Variants in CTNNA2 observed in about 807,000 individuals in gnomAD.
CTNNA2 encodes catenin alpha-2.
CTNNA2 carries 42 observed loss-of-function variants against 101.0 expected under a neutral mutation model. The observed-to-expected ratio is 0.42, with a 90% CI of 0.32 to 0.54. The LOEUF (loss-of-function observed/expected upper bound fraction) is 0.54, where lower values mean the gene tolerates loss of function less well. Ranked by LOEUF, CTNNA2 falls within the 20% of genes least tolerant of loss-of-function variation. The pLI is 0.14. For missense variants in CTNNA2, 871 were observed against 1,223.1 expected (o/e 0.71, Z 4.29); for synonymous variants, 450 against 456.4 (o/e 0.99, Z 0.18).
At chr2:80,161,419 A>T (rs1704311214) in intron 7 of CTNNA2, among the ~76,000 whole-genome samples, 1 of 152,164 alleles carries the variant, frequency 6.6e-6, no homozygotes, top group Non-Finnish European at 1.5e-5. Flanking sequence ...CAACAAATGA[A>T]CTTTTATAAA....
chr2:79,865,273 A>G (rs752250910), intron 4 of CTNNA2, among the ~76,000 whole-genome samples: 7 of 152,188 alleles, frequency 4.6e-5, no homozygotes, highest in African/African-American at 7.2e-5. Flanking sequence ...TGAGACACCA[A>G]TGGCCATACC....
chr2:80,570,182 G>T (rs1372319737), intron 12 of CTNNA2, among the ~76,000 whole-genome samples: 1 of 152,128 alleles, frequency 6.6e-6, no homozygotes, highest in Non-Finnish European at 1.5e-5. Flanking sequence ...TCGAGTAGCT[G>T]GGATTACAGG....
chr2:79,528,643 A>C (rs1320308007), intron 1 of CTNNA2, among the ~76,000 whole-genome samples: 1 of 152,140 alleles, frequency 6.6e-6, no homozygotes, highest in African/African-American at 2.4e-5. Context: ...TGTAGAAATT[A>C]CTCCTTGTCA....
chr2:80,530,748 T>C (rs1010240921), intron 9 of CTNNA2, among the ~76,000 whole-genome samples: 1 of 152,194 alleles, frequency 6.6e-6, no homozygotes, highest in Non-Finnish European at 1.5e-5. Flanking sequence ...ACAGCAGATA[T>C]GGAGAACTCT....
chr2:79,302,981 C>T (rs924441332), intron 2 of CTNNA2, among the ~76,000 whole-genome samples: 3 of 152,152 alleles, frequency 2.0e-5, no homozygotes, highest in Non-Finnish European at 4.4e-5. Context: ...ACCACAAAAA[C>T]ATAATTAGTA....
In CTNNA2 at chr2:79,382,964, T is replaced by C. The variant is rs13424115; in HGVS notation, c.-135+8951T>C. Among the ~76,000 whole-genome samples the C allele has an allele frequency of 4.7e-3, 714 of 152,330 alleles. 7 individuals carry two copies. Among genetic ancestry groups the C allele is most frequent in the African/African-American group, 0.016 (675 of 41,574 alleles). ...TCTTATCTCGGAGTATTTAAGGCAG[T>C]CCTGGAGGACCACCTGTCAGTGATA... On this transcript the variant is annotated intron_variant, in intron 4 of 21. Coordinates refer to the CTNNA2 transcript ENST00000466387.
chr2:79,263,816 C>A (rs2104290204), intron 2 of CTNNA2, among the ~76,000 whole-genome samples: 1 of 152,274 alleles, frequency 6.6e-6, no homozygotes, highest in African/African-American at 2.4e-5. Context: ...GCCCCTCGAT[C>A]TTGAACTTTC....
At chr2:79,312,902 C>T (rs1237994820) in intron 3 of CTNNA2, 14 of 152,076 alleles carry the variant, frequency 9.2e-5, no homozygotes, top group Admixed American at 7.2e-4. Flanking sequence ...CTTTTTTTCT[C>T]CTTTCAAAAA....
chr2:80,646,104 T>TGAG (rs1674060683), intron 18 of CTNNA2, among the ~76,000 whole-genome samples: 1 of 152,126 alleles, frequency 6.6e-6, no homozygotes, highest in African/African-American at 2.4e-5. Flanking sequence ...GGACATATTT[T>TGAG]GTTAATAAGA....
chr2:80,565,186 G>A (rs1693947179), intron 12 of CTNNA2, among the ~76,000 whole-genome samples: 1 of 152,090 alleles, frequency 6.6e-6, no homozygotes, highest in South Asian at 2.1e-4. Context: ...TTTTCTGGAA[G>A]TTACTACTTT....
At chr2:80,135,369 A>T (rs1397223672) in intron 7 of CTNNA2, among the ~76,000 whole-genome samples, 2 of 152,188 alleles carry the variant, frequency 1.3e-5, no homozygotes, top group Non-Finnish European at 1.5e-5. Flanking sequence ...GAGACAAAGG[A>T]AGGAGGGCTC....
intron 4 of CTNNA2, among the ~76,000 whole-genome samples, chr2:79,408,605 T>G (rs184162887): frequency 0.017 from 2,550 of 152,138 alleles, 90 homozygotes; most frequent in African/African-American, 0.058. Flanking sequence ...ATTTCCAATT[T>G]CATCCATGTC....
intron 7 of CTNNA2, among the ~76,000 whole-genome samples, chr2:80,241,155 T>G (rs1490124123): frequency 1.3e-5 from 2 of 152,134 alleles, no homozygotes; most frequent in Non-Finnish European, 2.9e-5. Flanking sequence ...TATCCCATCT[T>G]CACAAATTCA....
intron 7 of CTNNA2, among the ~76,000 whole-genome samples, chr2:80,129,633 G>A (rs1017609785): frequency 6.6e-6 from 1 of 152,144 alleles, no homozygotes; most frequent in Non-Finnish European, 1.5e-5. Context: ...TTTGCTACAT[G>A]TCAGATGCCA....
intron 2 of CTNNA2, among the ~76,000 whole-genome samples, chr2:79,202,148 C>T (rs758957211): frequency 1.1e-4 from 16 of 152,142 alleles, no homozygotes; most frequent in Non-Finnish European, 1.9e-4. Context: ...AGCAATGACA[C>T]ATGCATTTGT....
At chr2:80,621,534 A>T (rs753041593) in intron 18 of CTNNA2, among the ~76,000 whole-genome samples, 2 of 151,984 alleles carry the variant, frequency 1.3e-5, no homozygotes, top group Non-Finnish European at 2.9e-5. Flanking sequence ...CATGATAGGT[A>T]GCTACATAAT....
At chr2:79,473,939 A>T (rs146414250) in intron 4 of CTNNA2, among the ~76,000 whole-genome samples, 1 of 152,144 alleles carries the variant, frequency 6.6e-6, no homozygotes, top group Non-Finnish European at 1.5e-5. Flanking sequence ...CACCAATAAG[A>T]CTAGCCACAT....
intron 1 of CTNNA2, 55 bp from the exon 2 acceptor site, chr2:79,651,497 G>A (rs554380114): frequency 2.6e-6 from 4 of 1,528,192 alleles, no homozygotes; most frequent in African/African-American, 2.7e-5. Flanking sequence ...AATCACCAAA[G>A]TTACAATTTA....
intron 4 of CTNNA2, chr2:79,866,714 C>A (rs1316654820): frequency 6.6e-6 from 1 of 152,126 alleles, no homozygotes; most frequent in African/African-American, 2.4e-5. Flanking sequence ...GCATTTTTCC[C>A]CCATGCAGCA....
Sources: gnomAD v4.1 joint callset for allele counts (sites outside exome capture counted in the v4.1 genomes callset) on GRCh38, gnomAD v4.1.1 for gene constraint, MANE v1.5 for transcripts, NCBI Gene and HGNC (gene_info 2026-07-23, HGNC 2026-07-21) for gene names.